SLC25A17: variants seen among roughly 807,000 people sequenced by gnomAD.
SLC25A17 encodes peroxisomal membrane protein PMP34.
SLC25A17 carries 26 observed loss-of-function variants against 38.5 expected under a neutral mutation model. That is an observed-to-expected ratio of 0.68 (90% confidence interval 0.50 to 0.94). SLC25A17 has a LOEUF of 0.94. Among genes scored for constraint, SLC25A17 ranks in the 40% least tolerant of loss-of-function variants. SLC25A17 has a pLI of 0.00. For missense variants in SLC25A17, 333 were observed against 372.7 expected, an observed-to-expected ratio of 0.89 and a Z score of 0.88; for synonymous variants, 139 against 136.2, an observed-to-expected ratio of 1.02 and a Z score of -0.14.
chr22:40,776,550 A>G (rs1200738690), intron 7 of SLC25A17, among the ~76,000 whole-genome samples: 1 of 152,238 alleles, frequency 6.6e-6, no homozygotes, highest in Non-Finnish European at 1.5e-5. Flanking sequence ...ACAAATGCAA[A>G]CTTCATTCTA....
At chr22:40,781,419 G>C (rs1056377101) in intron 4 of SLC25A17, among the ~76,000 whole-genome samples, 1 of 151,954 alleles carries the variant, frequency 6.6e-6, no homozygotes. Context: ...CTAATTTTTT[G>C]TATTTTTAGT....
chr22:40,805,693 C>T (rs1053892220), intron 1 of SLC25A17, among the ~76,000 whole-genome samples: 2 of 152,098 alleles, frequency 1.3e-5, no homozygotes, highest in African/African-American at 4.8e-5. Flanking sequence ...AAAGTCCTCG[C>T]ATTCAAAGGG....
At chr22:40,804,397 T>G (rs1201790450) in intron 1 of SLC25A17, among the ~76,000 whole-genome samples, 1 of 152,176 alleles carries the variant, frequency 6.6e-6, no homozygotes, top group Non-Finnish European at 1.5e-5. Context: ...TAATAGTCAA[T>G]CTAATTGGGG....
At chr22:40,813,186 C>T (rs2057600566) in intron 1 of SLC25A17, among the ~76,000 whole-genome samples, 1 of 152,092 alleles carries the variant, frequency 6.6e-6, no homozygotes, top group Admixed American at 6.5e-5. Flanking sequence ...TCTCAATTTC[C>T]TCATTTGTAA....
At chr22:40,780,869 C>A (rs999407309) in intron 4 of SLC25A17, among the ~76,000 whole-genome samples, 1 of 152,176 alleles carries the variant, frequency 6.6e-6, no homozygotes, top group Non-Finnish European at 1.5e-5. Flanking sequence ...TCTAACCATT[C>A]TTTAAAATTC....
chr22:40,772,206 C>A (rs2057190863), intron 8 of SLC25A17, among the ~76,000 whole-genome samples: 1 of 152,172 alleles, frequency 6.6e-6, no homozygotes, highest in Non-Finnish European at 1.5e-5. Context: ...ATATTCCCAC[C>A]AGCAGCATAA....
chr22:40,774,636 G>A (rs2057222653), intron 7 of SLC25A17, among the ~76,000 whole-genome samples: 1 of 152,176 alleles, frequency 6.6e-6, no homozygotes, highest in African/African-American at 2.4e-5. Context: ...TTTAGATATT[G>A]ATGGTAATAA....
At chr22:40,807,972 T>C (rs2057544603) in intron 1 of SLC25A17, among the ~76,000 whole-genome samples, 1 of 152,186 alleles carries the variant, frequency 6.6e-6, no homozygotes, top group Admixed American at 6.5e-5. Flanking sequence ...ATTAAATTTA[T>C]CTTAACATAA....
intron 3 of SLC25A17, among the ~76,000 whole-genome samples, chr22:40,793,523 T>G (rs1361840147): frequency 6.6e-6 from 1 of 151,994 alleles, no homozygotes; most frequent in Non-Finnish European, 1.5e-5. Context: ...AAGGACACAA[T>G]ATCACCTGTG....
At position 40,801,124 on chromosome 22, in the gene SLC25A17, A is replaced by ATT. The variant is rs1417740055; in HGVS notation, c.55-2043_55-2042dup. ...CAAAAAAGAAAAAAGAAAAAAATAT[A>ATT]TTACATATATATATATATATATATA... On this transcript the variant is annotated intron_variant, in intron 1 of 8. Coordinates refer to ENST00000435456, the MANE Select transcript of SLC25A17 (RefSeq NM_006358.4). 2.4e-3 allele frequency among the ~76,000 whole-genome samples: 206 copies of ATT among 85,140 alleles called. 2 individuals carry two copies. The highest frequency in any genetic ancestry group is 9.0e-3 in the African/African-American group (177 of 19,618). 55.9% of individuals were successfully genotyped at this position (85,140 alleles called of 152,430 possible). A position where few individuals can be genotyped will look rare whatever the true frequency, so the allele number is the denominator to read the frequency against.
chr22:40,806,069 C>T (rs1171531316), intron 1 of SLC25A17, among the ~76,000 whole-genome samples: 1 of 152,178 alleles, frequency 6.6e-6, no homozygotes, highest in African/African-American at 2.4e-5. Flanking sequence ...GAGCACCCAG[C>T]TGGAACAGGA....
intron 1 of SLC25A17, among the ~76,000 whole-genome samples, chr22:40,806,852 T>A (rs1237162262): frequency 6.6e-6 from 1 of 152,198 alleles, no homozygotes. Flanking sequence ...TCCTTTCTTG[T>A]CTTAGAGATG....
chr22:40,784,812 GA>G (rs1380268786), intron 4 of SLC25A17, among the ~76,000 whole-genome samples: 1 of 146,870 alleles, frequency 6.8e-6, no homozygotes, highest in Non-Finnish European at 1.5e-5. Flanking sequence ...AAAAGAAAAG[GA>G]AAAAAAATAA....
chr22:40,785,789 A>G (rs957929636), intron 4 of SLC25A17, among the ~76,000 whole-genome samples: 5 of 151,070 alleles, frequency 3.3e-5, no homozygotes, highest in South Asian at 2.1e-4. Context: ...GCATGCCACC[A>G]TGCCCTGCTA....
intron 1 of SLC25A17, 84 bp downstream of exon 1, chr22:40,819,111 A>T (rs2057670634): frequency 2.1e-6 from 3 of 1,442,954 alleles, no homozygotes; most frequent in Non-Finnish European, 2.9e-6. Context: ...TCCCTCTCAG[A>T]CCCATCCCTC....
intron 4 of SLC25A17, 67 bp from the exon 5 acceptor site, chr22:40,779,192 A>T (rs1167307831): frequency 6.2e-7 from 1 of 1,611,340 alleles, no homozygotes; most frequent in African/African-American, 1.3e-5. Flanking sequence ...TGCTGCTTTA[A>T]AGCTACATAC....
At chr22:40,796,355 G>C (rs1602611311) in intron 2 of SLC25A17, among the ~76,000 whole-genome samples, 1 of 152,020 alleles carries the variant, frequency 6.6e-6, no homozygotes, top group South Asian at 2.1e-4. Flanking sequence ...AAGGCAATCT[G>C]AGGCTGGGCA....
intron 1 of SLC25A17, 112 bp downstream of exon 1, chr22:40,819,083 A>C (rs1249329486): frequency 8.7e-7 from 1 of 1,143,788 alleles, no homozygotes; most frequent in Non-Finnish European, 1.3e-6. Context: ...ATGACAGTGG[A>C]CCCCAACCCA....
In SLC25A17 at chr22:40,769,798, G is replaced by C. The variant is rs1263223431; in HGVS notation, c.*1036C>G. 2.0e-5 allele frequency: 3 copies of C among 152,204 alleles called. No homozygotes were observed. The highest frequency in any genetic ancestry group is 7.2e-5 in the African/African-American group (3 of 41,452). The allele number at this position is 152,204 out of a possible 1,614,324, so 9.4% of individuals were successfully genotyped here. ...CCTGGGAATGTTAAAATACGGAACA[G>C]GATTCAGAAACTCTGGGTTGCGTGC... On this transcript the variant is annotated 3_prime_UTR_variant, in exon 9 of 9. Transcript: ENST00000435456.
Sources: gnomAD v4.1 joint callset for allele counts (sites outside exome capture counted in the v4.1 genomes callset) on GRCh38, gnomAD v4.1.1 for gene constraint, MANE v1.5 for transcripts, NCBI Gene and HGNC (gene_info 2026-07-23, HGNC 2026-07-21) for gene names.